Variants in LYPD6 observed in about 807,000 individuals in gnomAD.
The protein encoded by LYPD6 is LY6/PLAUR domain containing 6.
LYPD6 carries 15 observed loss-of-function variants against 22.7 expected under a neutral mutation model. The ratio of observed to expected loss-of-function variants is 0.66; its 90% CI spans 0.44 to 1.02. The LOEUF is 1.02. Among genes scored for constraint, LYPD6 ranks in the 50% least tolerant of loss-of-function variants. LYPD6 has a pLI of 0.00. For synonymous variants in LYPD6, 72 were observed against 77.5 expected (o/e 0.93, Z 0.37); for missense variants, 189 against 208.4 (o/e 0.91, Z 0.57).
intron 1 of LYPD6, among the ~76,000 whole-genome samples, chr2:149,412,906 T>C (rs1657390452): frequency 6.6e-6 from 1 of 152,226 alleles, no homozygotes; most frequent in Non-Finnish European, 1.5e-5. Context: ...AATCATTAAC[T>C]CATCATGCTC....
At chr2:149,460,061 A>T (rs1253887241) in intron 3 of LYPD6, among the ~76,000 whole-genome samples, 1 of 152,170 alleles carries the variant, frequency 6.6e-6, no homozygotes, top group South Asian at 2.1e-4. Flanking sequence ...TTAAAAAGAG[A>T]TATACTCAAA....
At chr2:149,431,426 T>C (rs889567462) in intron 1 of LYPD6, among the ~76,000 whole-genome samples, 2 of 152,232 alleles carry the variant, frequency 1.3e-5, no homozygotes, top group African/African-American at 4.8e-5. Flanking sequence ...ACTGAGAATC[T>C]ATGAGGAAAA....
At chr2:149,418,584 T>A (rs1683014030) in intron 1 of LYPD6, among the ~76,000 whole-genome samples, 1 of 150,796 alleles carries the variant, frequency 6.6e-6, no homozygotes, top group Admixed American at 6.6e-5. Flanking sequence ...TTCCTCTAAT[T>A]CTCTCGAGAC....
intron 1 of LYPD6, among the ~76,000 whole-genome samples, chr2:149,414,874 C>CA (rs1459471508): frequency 2.5e-4 from 38 of 152,290 alleles, no homozygotes; most frequent in African/African-American, 9.1e-4. Flanking sequence ...GAATGGTGGA[C>CA]ACCAGCTGGC....
chr2:149,468,569 T>C lies in LYPD6; in HGVS notation c.218-76T>C. 4.6e-6 allele frequency: 7 copies of C among 1,507,558 alleles called. No homozygotes were observed. In the South Asian group the frequency reaches 7.3e-5, roughly 16 times the overall value. The allele number at this position is 1,507,558 out of a possible 1,614,324, so 93.4% of individuals were successfully genotyped here. A position where few individuals can be genotyped will look rare whatever the true frequency, so the allele number is the denominator to read the frequency against. Reference sequence around the variant, plus strand: ...TAGCTCTTTTCTGGAATGATAATGCTGACACTCCTGTTATTTTCCTTTTAG... The same window carrying C: ...TAGCTCTTTTCTGGAATGATAATGCCGACACTCCTGTTATTTTCCTTTTAG... On this transcript the variant is annotated intron_variant, in intron 3 of 4. Coordinates refer to ENST00000334166, the MANE Select transcript of LYPD6 (RefSeq NM_194317.5).
chr2:149,335,461 T>C (rs192800795), intron 1 of LYPD6, among the ~76,000 whole-genome samples: 186 of 152,346 alleles, frequency 1.2e-3, no homozygotes, highest in African/African-American at 4.3e-3. Flanking sequence ...AAGCTAAGTG[T>C]TATTACAAAG....
intron 1 of LYPD6, among the ~76,000 whole-genome samples, chr2:149,420,340 T>C (rs1254812025): frequency 2.0e-5 from 3 of 152,224 alleles, no homozygotes; most frequent in Non-Finnish European, 4.4e-5. Flanking sequence ...TCTTTTCTGG[T>C]TGCTCCATGC....
chr2:149,333,050 T>C (rs893268024), intron 1 of LYPD6, among the ~76,000 whole-genome samples: 6 of 152,186 alleles, frequency 3.9e-5, no homozygotes, highest in African/African-American at 1.4e-4. Context: ...CTGTAGACGA[T>C]TAACAATAGA....
At chr2:149,437,118 A>G (rs986171033) in intron 1 of LYPD6, among the ~76,000 whole-genome samples, 2 of 152,188 alleles carry the variant, frequency 1.3e-5, no homozygotes, top group Non-Finnish European at 2.9e-5. Flanking sequence ...TATTAGTTAC[A>G]TTAAGGAGAT....
chr2:149,474,042 A>G lies in LYPD6; in HGVS notation c.*3192A>G, dbSNP rs1681404106. ...AAGATTTTCTCTTGATGGTTTCTTC[A>G]ACAGGAAACAGATATTGGAATAGTG... On this transcript the variant is annotated 3_prime_UTR_variant, in exon 5 of 5. Coordinates refer to ENST00000334166, the MANE Select transcript of LYPD6 (RefSeq NM_194317.5). 6.6e-6 allele frequency: 1 copy of G among 152,132 alleles called. No homozygotes were observed. Among genetic ancestry groups the G allele is most frequent in the Non-Finnish European group, 1.5e-5 (1 of 68,034 alleles). The allele number at this position is 152,132 out of a possible 1,614,324, so 9.4% of individuals were successfully genotyped here. A position where few individuals can be genotyped will look rare whatever the true frequency, so the allele number is the denominator to read the frequency against.
downstream of LYPD6, among the ~76,000 whole-genome samples, chr2:149,477,421 G>A (rs1232565349): frequency 1.3e-5 from 2 of 151,990 alleles, no homozygotes; most frequent in South Asian, 2.1e-4. Context: ...TCAGGAGTTC[G>A]AGACCAGCCT....
intron 1 of LYPD6, among the ~76,000 whole-genome samples, chr2:149,383,906 G>A (rs1232794519): frequency 6.6e-6 from 1 of 152,052 alleles, no homozygotes; most frequent in Non-Finnish European, 1.5e-5. Flanking sequence ...ACTTTGTTTT[G>A]TGAAGTCTTC....
chr2:149,405,434 G>T (rs1339684324), intron 1 of LYPD6, among the ~76,000 whole-genome samples: 1 of 152,162 alleles, frequency 6.6e-6, no homozygotes, highest in Admixed American at 6.5e-5. Context: ...TCTATTCAGG[G>T]ATTCAACTTC....
intron 1 of LYPD6, among the ~76,000 whole-genome samples, chr2:149,412,368 T>C (rs58830368): frequency 0.022 from 3,397 of 152,212 alleles, 108 homozygotes; most frequent in African/African-American, 0.078. Context: ...TTTCTTTTTT[T>C]TTTTTGTGGA....
At chr2:149,436,426 A>G (rs553579043) in intron 1 of LYPD6, among the ~76,000 whole-genome samples, 3 of 152,360 alleles carry the variant, frequency 2.0e-5, no homozygotes, top group South Asian at 2.1e-4. Flanking sequence ...CTATATAAAA[A>G]TTAAGACAGA....
At chr2:149,395,682 T>C (rs1308989566) in intron 1 of LYPD6, among the ~76,000 whole-genome samples, 1 of 152,196 alleles carries the variant, frequency 6.6e-6, no homozygotes, top group Non-Finnish European at 1.5e-5. Context: ...CCCCTCAATT[T>C]GAATTATAAT....
intron 1 of LYPD6, among the ~76,000 whole-genome samples, chr2:149,388,279 C>T (rs1016827783): frequency 6.7e-6 from 1 of 150,260 alleles, no homozygotes; most frequent in Non-Finnish European, 1.5e-5. Context: ...TGTTGGTGTG[C>T]CATGGATATA....
At chr2:149,330,032 C>G (rs1392708448), upstream of LYPD6, 1 of 152,208 alleles carries the variant, frequency 6.6e-6, no homozygotes, top group Non-Finnish European at 1.5e-5. Context: ...CGGAGCTTCA[C>G]TTGCTCTTGA....
intron 1 of LYPD6, among the ~76,000 whole-genome samples, chr2:149,404,299 A>C (rs1326118427): frequency 6.6e-6 from 1 of 152,212 alleles, no homozygotes; most frequent in African/African-American, 2.4e-5. Flanking sequence ...TGGGGATGGC[A>C]TTGAATCTAT....
Sources: gnomAD v4.1 joint callset for allele counts (sites outside exome capture counted in the v4.1 genomes callset) on GRCh38, gnomAD v4.1.1 for gene constraint, MANE v1.5 for transcripts, NCBI Gene and HGNC (gene_info 2026-07-23, HGNC 2026-07-21) for gene names.